Variants in TAF8 observed in about 807,000 individuals in gnomAD.
TAF8 encodes transcription initiation factor TFIID subunit 8.
TAF8 carries 47 observed loss-of-function variants against 36.5 expected under a neutral mutation model. The ratio of observed to expected loss-of-function variants is 1.29; its 90% confidence interval spans 1.02 to 1.64. The LOEUF (loss-of-function observed/expected upper bound fraction) is 1.64. TAF8 is among the 40% of genes most tolerant of loss of function. TAF8 has a pLI of 0.00. For missense variants in TAF8, 420 were observed against 407.6 expected (o/e 1.03, Z -0.26); for synonymous variants, 175 against 159.5 (o/e 1.10, Z -0.73).
intron 2 of TAF8, among the ~76,000 whole-genome samples, chr6:42,052,146 G>C (rs1220565789): frequency 1.3e-5 from 2 of 152,314 alleles, no homozygotes; most frequent in East Asian, 3.9e-4. Context: ...GAGTGTAAGT[G>C]AGATGTATAT....
intron 2 of TAF8, 114 bp downstream of exon 2, chr6:42,051,627 G>GA: frequency 6.8e-6 from 9 of 1,321,202 alleles, no homozygotes; most frequent in East Asian, 2.4e-5. Flanking sequence ...TAAGAGGGGA[G>GA]AAAAAAAATT....
Position 42,077,211 on chromosome 6 carries a change from G to A in TAF8, c.892G>A (p.Val298Met), listed in dbSNP as rs1324766329. Residue 298 changes from valine (V) to methionine (M), a missense_variant, in exon 8 of 9, where the codon GTG (valine) becomes ATG (methionine). By Grantham distance (21) the Val-to-Met change is conservative. Transcript: ENST00000372977. ...CATCGATAACCCTTATCTGCGGCCG[G>A]TGAAGAAGCCCAAGATCCGCAGGAA... ...NIIDNPYLRP[V>M]KKPKIRRKKS... The A allele has an allele frequency of 1.9e-6, 3 of 1,613,834 alleles. No individual in the cohort carries two copies. The highest frequency in any genetic ancestry group is 1.7e-5 in the Admixed American group (1 of 59,994).
Position 42,051,399 on chromosome 6 carries a change from C to G in TAF8, c.88C>G (p.His30Asp), listed in dbSNP as rs1463375464. 6.2e-7 allele frequency: 1 copy of G among 1,614,052 alleles called. No homozygotes were observed. Among genetic ancestry groups the G allele is most frequent in the South Asian group, 1.1e-5 (1 of 91,088 alleles). ...GTCCACTAACCCTGCCGATAACTAT[C>G]ATCTGGCCCGGAGGAGAACCCTGCA... The part of the protein sequence containing the change: ...KQSTNPADNY[H>D]LARRRTLQVV... Residue 30 changes from histidine to aspartate, a missense_variant, in exon 2 of 9, where the codon CAT becomes GAT. Transcript: ENST00000372977.
intron 7 of TAF8, among the ~76,000 whole-genome samples, chr6:42,071,710 A>G (rs1441286926): frequency 6.6e-6 from 1 of 152,116 alleles, no homozygotes; most frequent in African/African-American, 2.4e-5. Context: ...AAGCAGAGGA[A>G]ATTGTTATTG....
downstream of TAF8, among the ~76,000 whole-genome samples, chr6:42,085,011 C>G (rs934333092): frequency 6.6e-6 from 1 of 152,222 alleles, no homozygotes; most frequent in African/African-American, 2.4e-5. Context: ...AAAAGCTGTT[C>G]TGAGATTCCA....
rs761234284 is a variant in TAF8, at chr6:42,055,541, A to T, written c.213A>T (p.Glu71Asp). The change falls in exon 3 of 9, where the codon GAA becomes GAT. Residue 71 changes from glutamate (E) to aspartate (D), a missense_variant. By Grantham distance (45) the Glu-to-Asp change is conservative. Coordinates refer to ENST00000372977, the MANE Select transcript of TAF8 (RefSeq NM_138572.3). ...TTAATCCCCTCTTAGACATTTCAGA[A>T]ATTGGGAGAAGTGCCAAGTCTTACT... ...LTEMLQSYIS[E>D]IGRSAKSYCE... The T allele has an allele frequency of 1.9e-6, 3 of 1,613,628 alleles. No individual in the cohort carries two copies. In the East Asian group the frequency reaches 6.7e-5, roughly 36 times the overall value.
At chr6:42,057,278 G>A (rs1765026198) in intron 4 of TAF8, 111 bp from the exon 5 acceptor site, 1 of 1,482,630 alleles carries the variant, frequency 6.7e-7, no homozygotes, top group South Asian at 1.2e-5. Context: ...AACTTGTTTA[G>A]AAAATTGAGG....
chr6:42,067,557 T>G (rs1434563261), intron 6 of TAF8, among the ~76,000 whole-genome samples: 4 of 151,366 alleles, frequency 2.6e-5, no homozygotes, highest in Non-Finnish European at 2.9e-5. Flanking sequence ...ACCATAGAAG[T>G]ACACACAGAG....
downstream of TAF8, among the ~76,000 whole-genome samples, chr6:42,084,174 C>G (rs577890744): frequency 1.3e-4 from 15 of 117,948 alleles, no homozygotes; most frequent in Non-Finnish European, 1.9e-4. Context: ...GAGCGAGACT[C>G]TGTCTCAAAA....
chr6:42,067,319 A>C (rs1343116431), intron 6 of TAF8, among the ~76,000 whole-genome samples: 2 of 152,156 alleles, frequency 1.3e-5, no homozygotes, highest in Non-Finnish European at 2.9e-5. Flanking sequence ...CCCGGGTTCC[A>C]GCGATTCTTC....
Position 42,077,751 on chromosome 6 carries a change from A to G in TAF8, c.*206A>G. On this transcript the variant is annotated 3_prime_UTR_variant, in exon 9 of 9. Coordinates refer to ENST00000372977, the MANE Select transcript of TAF8 (RefSeq NM_138572.3). Reference sequence around the variant, plus strand: ...GGTTGAGGAAGATATGAACAGAATAATGAGAATTTTTTTTTTTATTTTGAG... The same window carrying G: ...GGTTGAGGAAGATATGAACAGAATAGTGAGAATTTTTTTTTTTATTTTGAG... The G allele has an allele frequency of 1.4e-6, 2 of 1,425,470 alleles. 1 individual carries two copies. Among genetic ancestry groups the G allele is most frequent in the South Asian group, 3.1e-5 (2 of 65,478 alleles). 88.3% of individuals were successfully genotyped at this position (1,425,470 alleles called of 1,614,324 possible).
rs1271722351 is a variant in TAF8 at position 42,066,294 on chromosome 6, T to TGG, written c.490-18_490-17insGG. On this transcript the variant is annotated splice_polypyrimidine_tract_variant and intron_variant, in intron 5 of 8. Coordinates refer to ENST00000372977, the MANE Select transcript of TAF8 (RefSeq NM_138572.3). ...ATACTTCGGCATCACCCCAGTGTCTTTGCTGCTCTCTTCGTAGACGTACCG... is the reference window on the plus strand; with the variant it reads ...ATACTTCGGCATCACCCCAGTGTCTTGGTGCTGCTCTCTTCGTAGACGTACCG... The TGG allele has an allele frequency of 6.2e-7, 1 of 1,612,744 alleles. No individual in the cohort carries two copies. Among genetic ancestry groups the TGG allele is most frequent in the African/African-American group, 1.3e-5 (1 of 74,932 alleles).
At chr6:42,085,437 A>G (rs1159308598), downstream of TAF8, among the ~76,000 whole-genome samples, 1 of 152,174 alleles carries the variant, frequency 6.6e-6, no homozygotes, top group East Asian at 1.9e-4. Flanking sequence ...TCCCCTCAAC[A>G]TTTATGTTAA....
chr6:42,065,621 C>G (rs183804221), intron 5 of TAF8, among the ~76,000 whole-genome samples: 1 of 152,302 alleles, frequency 6.6e-6, no homozygotes, highest in African/African-American at 2.4e-5. Context: ...TCCCATACTG[C>G]AGGAGGTCAC....
Position 42,080,324 on chromosome 6 carries a change from C to T in TAF8, c.*2779C>T. 3 of 987,728 alleles carry T rather than the reference C, an allele frequency of 3.0e-6. No individual in the cohort carries two copies. The South Asian group carries it at 1.4e-4, about 45-fold the overall frequency. 61.2% of individuals were successfully genotyped at this position (987,728 alleles called of 1,614,324 possible). ...AGAGGTGGGATTTGGAAAAGGGCTG[C>T]TATTTCTGCTGTTGAGATTTCAGAG... On this transcript the variant is annotated 3_prime_UTR_variant, in exon 9 of 9. Transcript: ENST00000372977.
At chr6:42,055,749 TGA>T (rs778861909) in intron 3 of TAF8, 120 bp downstream of exon 3, 75 of 856,074 alleles carry the variant, frequency 8.8e-5, no homozygotes, top group Non-Finnish European at 1.4e-4. Flanking sequence ...GCTTTGAGCT[TGA>T]GAGAGTTATC....
At chr6:42,068,146 C>G (rs974572353) in intron 6 of TAF8, among the ~76,000 whole-genome samples, 1 of 152,174 alleles carries the variant, frequency 6.6e-6, no homozygotes, top group African/African-American at 2.4e-5. Context: ...TCCATCTTAT[C>G]TCAGTTGTAC....
chr6:42,077,115 G>T lies in TAF8; in HGVS notation c.796G>T (p.Glu266Ter), dbSNP rs760047297. The T allele has an allele frequency of 6.2e-7, 1 of 1,612,866 alleles. No homozygotes were observed. The highest frequency in any genetic ancestry group is 1.7e-4 in the Middle Eastern group (1 of 6,054). ...LHISMEDSGA[E>*]KENTSVLQQN... ...TTGCTCAAAGGAGGATTCTGGAGCC[G>T]AGAAGGAGAACACCTCTGTCCTGCA... Residue 266 changes from glutamate (E) to a stop codon, truncating the protein, a stop_gained, in exon 8 of 9, where the codon GAG becomes TAG. Coordinates refer to ENST00000372977, the MANE Select transcript of TAF8 (RefSeq NM_138572.3). LOFTEE classifies it high-confidence loss of function.
intron 5 of TAF8, among the ~76,000 whole-genome samples, chr6:42,060,620 A>G (rs1024504001): frequency 6.6e-6 from 1 of 152,178 alleles, no homozygotes; most frequent in East Asian, 1.9e-4. Context: ...ACCACAGGTC[A>G]GGAACCTTGT....
Sources: allele counts gnomAD v4.1 joint callset (sites outside exome capture counted in the v4.1 genomes callset), GRCh38; gene constraint gnomAD v4.1.1; transcripts MANE v1.5; gene names NCBI Gene and HGNC (gene_info 2026-07-23, HGNC 2026-07-21).